Variants in IGFBP2 observed in about 807,000 individuals in gnomAD.
The protein encoded by IGFBP2 is insulin like growth factor binding protein 2.
A neutral mutation model predicts 26.2 loss-of-function variants in IGFBP2; 12 were observed. That is an observed-to-expected ratio of 0.46 (90% CI 0.29 to 0.74). The LOEUF (loss-of-function observed/expected upper bound fraction) is 0.74, where lower values mean the gene tolerates loss of function less well. Ranked by LOEUF, IGFBP2 falls within the 30% of genes least tolerant of loss-of-function variation. The pLI is 0.09. For synonymous variants in IGFBP2, 189 were observed against 200.6 expected (o/e 0.94, Z 0.49); for missense variants, 328 against 441.2 (o/e 0.74, Z 2.30).
chr2:216,635,259 C>G (rs1030024842), intron 1 of IGFBP2, among the ~76,000 whole-genome samples: 2 of 152,150 alleles, frequency 1.3e-5, no homozygotes, highest in Non-Finnish European at 2.9e-5. Context: ...AGGGCTTCCT[C>G]TGAGTGGAGC....
intron 1 of IGFBP2, among the ~76,000 whole-genome samples, chr2:216,643,159 A>G (rs2106192718): frequency 6.6e-6 from 1 of 152,276 alleles, no homozygotes; most frequent in African/African-American, 2.4e-5. Context: ...AATGCACTGA[A>G]CTTGATCCTG....
chr2:216,638,454 G>A lies in IGFBP2; in HGVS notation c.442+4489G>A, dbSNP rs555074936. On this transcript the variant is annotated intron_variant, in intron 1 of 3. Transcript: ENST00000233809. ...TGGGAACTGGAGGTTGCAGTGAGCC[G>A]AGATGGCGCCACTCCACTCCAGCCT... 4.6e-5 allele frequency among the ~76,000 whole-genome samples: 7 copies of A among 151,946 alleles called. No homozygotes were observed. The East Asian group carries it at 9.8e-4, about 21-fold the overall frequency.
intron 1 of IGFBP2, among the ~76,000 whole-genome samples, chr2:216,652,003 C>T (rs753473646): frequency 6.6e-6 from 1 of 151,932 alleles, no homozygotes; most frequent in African/African-American, 2.4e-5. Context: ...CTCAAATGAC[C>T]CGCCCACCTC....
chr2:216,642,605 C>A (rs990057716), intron 1 of IGFBP2, among the ~76,000 whole-genome samples: 1 of 152,200 alleles, frequency 6.6e-6, no homozygotes, highest in African/African-American at 2.4e-5. Context: ...CACGCCTGGC[C>A]TAGGCTTGCA....
chr2:216,646,757 G>T (rs1019749309), intron 1 of IGFBP2, among the ~76,000 whole-genome samples: 1 of 152,116 alleles, frequency 6.6e-6, no homozygotes, highest in Non-Finnish European at 1.5e-5. Flanking sequence ...TCACTATCAC[G>T]AGAACAGCAT....
At chr2:216,654,463 G>A (rs9341182) in intron 1 of IGFBP2, among the ~76,000 whole-genome samples, 3,642 of 152,336 alleles carry the variant, frequency 0.024, 143 homozygotes, top group African/African-American at 0.08. Flanking sequence ...GCACAGCTCA[G>A]TAGTAAAAGC....
rs1194276404 is a variant in IGFBP2, at chr2:216,633,613, C to T, written c.90C>T (p.Gly30=). ...LLLLLLGASG[G]GGGARAEVLF... is the part of the protein sequence containing the mutation. The stretch of plus-strand genomic sequence containing the variant: ...TGCTGCTACTGGGCGCGAGTGGCGG[C>T]GGCGGCGGGGCGCGCGCGGAGGTGC... The change falls in exon 1 of 4, where the codon GGC becomes GGT. Residue 30 remains glycine, a synonymous_variant. Transcript: ENST00000233809. 53 of 1,007,602 alleles carry T rather than the reference C, an allele frequency of 5.3e-5. No homozygotes were observed. The highest frequency in any genetic ancestry group is 1.2e-4 in the Admixed American group (2 of 16,736). 62.4% of individuals were successfully genotyped at this position (1,007,602 alleles called of 1,614,324 possible).
At chr2:216,641,500 C>T (rs1697612164) in intron 1 of IGFBP2, among the ~76,000 whole-genome samples, 1 of 152,148 alleles carries the variant, frequency 6.6e-6, no homozygotes, top group Non-Finnish European at 1.5e-5. Context: ...CATCTCTTCA[C>T]CTATGAATGG....
upstream of IGFBP2, chr2:216,633,255 G>A (rs1406898545): frequency 6.5e-6 from 1 of 153,566 alleles, no homozygotes; most frequent in Non-Finnish European, 1.4e-5. Context: ...GGAACCCCCA[G>A]AGCCCGCAGC....
chr2:216,639,449 A>C (rs1212066810), intron 1 of IGFBP2, among the ~76,000 whole-genome samples: 6 of 152,108 alleles, frequency 3.9e-5, no homozygotes, highest in African/African-American at 1.4e-4. Context: ...TGCTGAAAGG[A>C]ATGAAGGAGG....
intron 3 of IGFBP2, 140 bp from the exon 4 acceptor site, chr2:216,663,800 C>G (rs1243129090): frequency 2.6e-6 from 2 of 763,624 alleles, no homozygotes; most frequent in Non-Finnish European, 4.2e-6. Context: ...GGTTTCCTGG[C>G]GCATATTTGA....
rs571770573 is a variant in IGFBP2, at chr2:216,633,567, C to CGCTGCTGCT, written c.46_47insTGCTGCTGC (p.Pro15_Pro16insLeuLeuLeu). The CGCTGCTGCT allele has an allele frequency of 3.0e-5, 29 of 970,296 alleles. No homozygotes were observed. The highest frequency in any genetic ancestry group is 1.1e-4 in the Admixed American group (2 of 17,958). 60.1% of individuals were successfully genotyped at this position (970,296 alleles called of 1,614,324 possible). A position where few individuals can be genotyped will look rare whatever the true frequency, so the allele number is the denominator to read the frequency against. ...TGCCCCGCGCTGCCGCTGCCGCCGC[C>CGCTGCTGCT]GCCGCTGCTGCCGCTGCTGCTGCTG... On this transcript the variant is annotated inframe_insertion, in exon 1 of 4. Coordinates refer to ENST00000233809, the MANE Select transcript of IGFBP2 (RefSeq NM_000597.3).
At chr2:216,648,685 T>G (rs998901931) in intron 1 of IGFBP2, among the ~76,000 whole-genome samples, 1 of 152,160 alleles carries the variant, frequency 6.6e-6, no homozygotes, top group African/African-American at 2.4e-5. Context: ...CTTGGCTCAC[T>G]GCAACCTTCG....
At chr2:216,634,201 G>C (rs1697446299) in intron 1 of IGFBP2, among the ~76,000 whole-genome samples, 1 of 152,210 alleles carries the variant, frequency 6.6e-6, no homozygotes, top group African/African-American at 2.4e-5. Flanking sequence ...GAGAGGAAAG[G>C]CATCCCTGCT....
intron 1 of IGFBP2, among the ~76,000 whole-genome samples, chr2:216,660,034 A>T (rs9341198): frequency 0.023 from 3,545 of 152,166 alleles, 149 homozygotes; most frequent in African/African-American, 0.081. Flanking sequence ...CTGTGGCACG[A>T]GTTTTAAAAA....
Position 216,661,873 on chromosome 2 carries a change from G to C in IGFBP2, c.688G>C (p.Glu230Gln). The change falls in exon 3 of 4, where the codon GAA (glutamate) becomes CAA (glutamine). Residue 230 changes from glutamate to glutamine, a missense_variant. Glu to Gln is a conservative substitution (Grantham distance 29). Transcript: ENST00000233809. ...PPPARTPCQQ[E>Q]LDQVLERIST... ...GTGCGTGCAGACTCCCTGCCAACAGGAACTGGACCAGGTCCTGGAGCGGAT... is the reference window on the plus strand; with the variant it reads ...GTGCGTGCAGACTCCCTGCCAACAGCAACTGGACCAGGTCCTGGAGCGGAT... 1 of 1,614,190 alleles carries C rather than the reference G, an allele frequency of 6.2e-7. No homozygotes were observed. Among genetic ancestry groups the C allele is most frequent in the Non-Finnish European group, 8.5e-7 (1 of 1,180,044 alleles).
intron 1 of IGFBP2, among the ~76,000 whole-genome samples, chr2:216,648,666 T>C (rs938250296): frequency 6.6e-6 from 1 of 152,096 alleles, no homozygotes; most frequent in Non-Finnish European, 1.5e-5. Context: ...CTGGAGTCAG[T>C]GGCGCGATCT....
At chr2:216,643,461 G>A (rs7600691) in intron 1 of IGFBP2, among the ~76,000 whole-genome samples, 10,666 of 152,170 alleles carry the variant, frequency 0.07, 1,225 homozygotes, top group African/African-American at 0.24. Context: ...CAGAGAAGGC[G>A]GATGCTTGAG....
At chr2:216,660,979 T>A in intron 2 of IGFBP2, 193 bp downstream of exon 2, 1 of 592,880 alleles carries the variant, frequency 1.7e-6, no homozygotes, top group Non-Finnish European at 3.0e-6. Context: ...TGAAATAGAC[T>A]GGACATGTGG....
Sources: allele counts gnomAD v4.1 joint callset (sites outside exome capture counted in the v4.1 genomes callset), GRCh38; gene constraint gnomAD v4.1.1; transcripts MANE v1.5; gene names NCBI Gene and HGNC (gene_info 2026-07-23, HGNC 2026-07-21).